Variants in CLEC10A observed in about 807,000 individuals in gnomAD.
CLEC10A encodes C-type lectin domain family 10 member A.
A neutral mutation model predicts 42.0 loss-of-function variants in CLEC10A; 38 were observed. The ratio of observed to expected loss-of-function variants is 0.90; its 90% CI spans 0.70 to 1.18. CLEC10A has a LOEUF of 1.18. Among genes scored for constraint, CLEC10A ranks in the 50% most tolerant of loss-of-function variants. CLEC10A has a pLI of 0.00. For missense variants in CLEC10A, 298 were observed against 345.9 expected (o/e 0.86, Z 1.10); for synonymous variants, 126 against 139.9 (o/e 0.90, Z 0.70).
intron 5 of CLEC10A, 112 bp from the exon 6 acceptor site, chr17:7,076,183 T>C: frequency 6.3e-7 from 1 of 1,589,758 alleles, no homozygotes; most frequent in Non-Finnish European, 8.6e-7. Context: ...GAATGTTCCT[T>C]CCCGCCCCCA....
chr17:7,076,664 G>A, intron 5 of CLEC10A, 69 bp downstream of exon 5: 1 of 1,534,380 alleles, frequency 6.5e-7, no homozygotes, highest in Non-Finnish European at 9.0e-7. Flanking sequence ...TCAGCACCAG[G>A]AGTCTGTTCC....
At chr17:7,079,840 T>TA (rs1912071417) in intron 1 of CLEC10A, among the ~76,000 whole-genome samples, 1 of 151,996 alleles carries the variant, frequency 6.6e-6, no homozygotes, top group South Asian at 2.1e-4. Context: ...CCCGGAGTCT[T>TA]AGTTTATGAC....
At chr17:7,078,935 G>A (rs767472518) in intron 1 of CLEC10A, 50 bp from the exon 2 acceptor site, 16 of 845,186 alleles carry the variant, frequency 1.9e-5, no homozygotes, top group South Asian at 8.1e-5. Context: ...CAGGGCTGAC[G>A]TTGAGTTGGG....
At chr17:7,077,555 CATCAGTGCCCCCCCACCATTCCCATCAAT>C (rs1911880166) in intron 3 of CLEC10A, among the ~76,000 whole-genome samples, 8 of 105,308 alleles carry the variant, frequency 7.6e-5, no homozygotes, top group South Asian at 4.3e-4. Flanking sequence ...TCAATCACTC[CATCAGTGCCCCCCCACCATTCCCATCAAT>C]GACTCCATCA....
chr17:7,078,693 C>A, intron 2 of CLEC10A, 53 bp downstream of exon 2: 1 of 1,549,350 alleles, frequency 6.5e-7, no homozygotes, highest in South Asian at 1.1e-5. Flanking sequence ...TAGGAGAAAT[C>A]CTTCTAAACA....
rs1343726694 is a variant in CLEC10A, at chr17:7,078,009, C to G, written c.172G>C (p.Val58Leu). 1.9e-6 allele frequency: 3 copies of G among 1,612,782 alleles called. No homozygotes were observed. The highest frequency in any genetic ancestry group is 1.7e-6 in the Non-Finnish European group (2 of 1,178,912). Residue 58 changes from valine to leucine, a missense_variant, in exon 3 of 9, where the codon GTT (valine) becomes CTT (leucine). Physicochemically the swap from Val to Leu is conservative, Grantham distance 32. This residue lies in a region of CLEC10A where 267 missense variants were observed against 289.5 expected (regional missense o/e 0.92). Coordinates refer to ENST00000416562, the MANE Select transcript of CLEC10A (RefSeq NM_001330070.2). ...GLLLLVIICV[V>L]GFQNSKFQRD... ...CTGTGACCCTCACTTTGGAATCCAA[C>G]CACACAGATGATGACCAGCAGCAGG...
At chr17:7,076,214 C>CAGGTACAG (rs1325761247) in intron 5 of CLEC10A, 143 bp from the exon 6 acceptor site, 1 of 1,501,074 alleles carries the variant, frequency 6.7e-7, no homozygotes, top group African/African-American at 1.4e-5. Context: ...ACATCATGGC[C>CAGGTACAG]AGGTACAGCC....
intron 3 of CLEC10A, 58 bp downstream of exon 3, chr17:7,077,939 A>G (rs1229244671): frequency 7.5e-7 from 1 of 1,329,248 alleles, no homozygotes; most frequent in South Asian, 1.2e-5. Flanking sequence ...GTAGCACCCC[A>G]TTATTTATCT....
chr17:7,075,269 A>G (rs1454896490), intron 8 of CLEC10A, 47 bp from the exon 9 acceptor site: 2 of 1,507,860 alleles, frequency 1.3e-6, no homozygotes, highest in Non-Finnish European at 1.8e-6. Context: ...GATGGAGTAG[A>G]ATTCAGTTCA....
intron 1 of CLEC10A, among the ~76,000 whole-genome samples, chr17:7,079,566 C>T (rs1009421429): frequency 6.6e-6 from 1 of 151,500 alleles, no homozygotes; most frequent in Non-Finnish European, 1.5e-5. Context: ...CTGGACGACA[C>T]AGTGAGACTC....
At chr17:7,078,566 C>G in intron 2 of CLEC10A, 180 bp downstream of exon 2, 1 of 638,338 alleles carries the variant, frequency 1.6e-6, no homozygotes, top group Non-Finnish European at 2.8e-6. Context: ...GTGATCCTCC[C>G]TGTCCCAGTC....
In CLEC10A at chr17:7,076,789, T is replaced by A; in HGVS notation, c.296A>T (p.Glu99Val). 1.2e-6 allele frequency: 2 copies of A among 1,613,838 alleles called. No individual in the cohort carries two copies. Among genetic ancestry groups the A allele is most frequent in the Non-Finnish European group, 1.7e-6 (2 of 1,179,962 alleles). ...ALTSQGSSLE[E>V]TIASLKAEVE... is the part of the protein sequence containing the mutation. ...CTCAGCTTTCAGAGATGCTATCGTT[T>A]CTTCCAAGCTGCTGCCTGGAGGACA... Residue 99 changes from glutamate (E) to valine (V), a missense_variant, in exon 5 of 9, where the codon GAA becomes GTA. Glu to Val is a moderately radical substitution (Grantham distance 121). This residue lies in a region of CLEC10A where 267 missense variants were observed against 289.5 expected (regional missense o/e 0.92). Coordinates refer to ENST00000416562, the MANE Select transcript of CLEC10A (RefSeq NM_001330070.2).
chr17:7,076,785 C>A lies in CLEC10A; in HGVS notation c.300G>T (p.Thr100=). ...CCACCTCAGCTTTCAGAGATGCTAT[C>A]GTTTCTTCCAAGCTGCTGCCTGGAG... The part of the protein sequence containing the change: ...LTSQGSSLEE[T]IASLKAEVEG... Residue 100 remains threonine (T), a synonymous_variant, in exon 5 of 9, where the codon ACG becomes ACT. Transcript: ENST00000416562. The A allele has an allele frequency of 6.2e-7, 1 of 1,613,748 alleles. No individual in the cohort carries two copies. Among genetic ancestry groups the A allele is most frequent in the Non-Finnish European group, 8.5e-7 (1 of 1,179,950 alleles).
intron 2 of CLEC10A, chr17:7,078,466 G>A (rs992197833): frequency 7.6e-6 from 4 of 528,046 alleles, no homozygotes; most frequent in Non-Finnish European, 1.4e-5. Context: ...TCACAAATGA[G>A]TTTCCTTCCA....
rs1391212191 is a variant in CLEC10A at position 7,078,128 on chromosome 17, A to C, written c.68-15T>G. The C allele has an allele frequency of 2.5e-6, 4 of 1,592,430 alleles. No individual in the cohort carries two copies. The stretch of plus-strand genomic sequence containing the variant: ...AGGAAGTGGCCCTGCAAGAGGAGAG[A>C]GTGTCAGGATGAGGAGGGTCCAGAC... On this transcript the variant is annotated splice_polypyrimidine_tract_variant and intron_variant, in intron 2 of 8. Coordinates refer to ENST00000416562, the MANE Select transcript of CLEC10A (RefSeq NM_001330070.2).
chr17:7,078,660 G>T, intron 2 of CLEC10A, 86 bp downstream of exon 2: 4 of 1,285,300 alleles, frequency 3.1e-6, no homozygotes, highest in Middle Eastern at 3.7e-4. Context: ...CCACCAGTGC[G>T]CGTGGTGGAG....
Position 7,078,870 on chromosome 17 carries a change from C to G in CLEC10A, c.-58G>C, listed in dbSNP as rs1912016100. 6 of 1,559,872 alleles carry G rather than the reference C, an allele frequency of 3.8e-6. No homozygotes were observed. Among genetic ancestry groups the G allele is most frequent in the Non-Finnish European group, 5.3e-6 (6 of 1,130,564 alleles). On this transcript the variant is annotated 5_prime_UTR_variant, in exon 2 of 9. Transcript: ENST00000416562. The stretch of plus-strand genomic sequence containing the variant: ...GCTGAAATGGAGGCAGGGCCGGCGC[C>G]CAGTCTGGGGTGGAGCTGGGGAATA...
In CLEC10A at chr17:7,078,792, G is replaced by A. The variant is rs1439534093; in HGVS notation, c.21C>T (p.Asn7=). MTRTYE[N]FQYLENKVKV... Reference sequence around the variant, plus strand: ...TCACCTTATTCTCCAAGTACTGGAAGTTTTCATACGTCCTTGTCATGCTTG... The same window carrying A: ...TCACCTTATTCTCCAAGTACTGGAAATTTTCATACGTCCTTGTCATGCTTG... The change falls in exon 2 of 9, where the codon AAC becomes AAT. Residue 7 remains asparagine (N), a synonymous_variant. Transcript: ENST00000416562. 3 of 1,614,172 alleles carry A rather than the reference G, an allele frequency of 1.9e-6. No homozygotes were observed. In the East Asian group the frequency reaches 6.7e-5, roughly 36 times the overall value.
rs373739789 is a variant in CLEC10A at position 7,076,706 on chromosome 17, C to A, written c.352+27G>T. 30 of 1,612,668 alleles carry A rather than the reference C, an allele frequency of 1.9e-5. No individual in the cohort carries two copies. The Middle Eastern group carries it at 5.0e-4, about 27-fold the overall frequency. On this transcript the variant is annotated intron_variant, in intron 5 of 8. Transcript: ENST00000416562. ...CACTGTGTCTGAGCGCCTAGCCCCCCACACCCATACTCGGAGGGTCTCTCA... is the reference window on the plus strand; with the variant it reads ...CACTGTGTCTGAGCGCCTAGCCCCCAACACCCATACTCGGAGGGTCTCTCA...
Sources: allele counts gnomAD v4.1 joint callset (sites outside exome capture counted in the v4.1 genomes callset), GRCh38; gene constraint gnomAD v4.1.1; regional missense constraint gnomAD v4.1.1; transcripts MANE v1.5; gene names NCBI Gene and HGNC (gene_info 2026-07-23, HGNC 2026-07-21).